The following CYP2F1 variants were observed in gnomAD, a reference collection of about 807,000 sequenced individuals.
CYP2F1 encodes the protein cytochrome P450 family 2 subfamily F member 1, also known as cytochrome P450 2F1.
Under a neutral mutation model 40.4 loss-of-function variants are expected in CYP2F1, and 33 were observed. The ratio of observed to expected loss-of-function variants is 0.82; its 90% CI spans 0.62 to 1.09. CYP2F1 has a LOEUF of 1.09. CYP2F1 is among the 50% of genes least tolerant of loss of function. CYP2F1 has a pLI of 0.00. For synonymous variants in CYP2F1, 235 were observed against 277.2 expected (o/e 0.85, Z 1.51); for missense variants, 566 against 655.7 (o/e 0.86, Z 1.49).
intron 3 of CYP2F1, among the ~76,000 whole-genome samples, chr19:41,118,925 A>T (rs979367677): frequency 2.0e-5 from 3 of 152,196 alleles, no homozygotes; most frequent in Non-Finnish European, 1.5e-5. Context: ...GGAACCAGAG[A>T]TAAACACATC....
intron 9 of CYP2F1, among the ~76,000 whole-genome samples, chr19:41,126,476 G>T (rs2032551230): frequency 6.6e-6 from 1 of 151,828 alleles, no homozygotes; most frequent in African/African-American, 2.4e-5. Flanking sequence ...CTTGGGCCAG[G>T]CACATTGGCT....
intron 3 of CYP2F1, among the ~76,000 whole-genome samples, chr19:41,119,748 T>TATATATATATACACACACACAC (rs1337166345): frequency 2.8e-5 from 1 of 36,104 alleles, no homozygotes; most frequent in Non-Finnish European, 4.9e-5. Context: ...TATATATATA[T>TATATATATATACACACACACAC]ACACACACAC....
intron 3 of CYP2F1, among the ~76,000 whole-genome samples, chr19:41,119,748 T>TATATATATATACACAC (rs1337166345): frequency 6.7e-4 from 24 of 36,070 alleles, no homozygotes; most frequent in East Asian, 2.5e-3. Flanking sequence ...TATATATATA[T>TATATATATATACACAC]ACACACACAC....
rs551815226 is a variant in CYP2F1, at chr19:41,126,335, G to C, written c.1294+701G>C. On this transcript the variant is annotated intron_variant, in intron 9 of 9. Transcript: ENST00000331105. Reference sequence around the variant, plus strand: ...AGCTACTCTGGAGGCTGAGGCAGGAGAATCACTTGAACCCGGGAGGCGGAG... The same window carrying C: ...AGCTACTCTGGAGGCTGAGGCAGGACAATCACTTGAACCCGGGAGGCGGAG... 5.7e-3 allele frequency among the ~76,000 whole-genome samples: 839 copies of C among 148,184 alleles called. 4 individuals are homozygous for C. The highest frequency in any genetic ancestry group is 0.011 in the Middle Eastern group (3 of 262).
At chr19:41,121,179 C>T (rs2032174320) in intron 4 of CYP2F1, among the ~76,000 whole-genome samples, 3 of 151,982 alleles carry the variant, frequency 2.0e-5, no homozygotes, top group Admixed American at 6.6e-5. Context: ...TGCTATGTCG[C>T]GTGCTGTGTG....
At position 41,122,783 on chromosome 19, in the gene CYP2F1, C is replaced by CA. The variant is rs768782008; in HGVS notation, c.823-39_823-38insA. The CA allele has an allele frequency of 4.0e-5, 60 of 1,512,572 alleles. 1 individual carries two copies. Among genetic ancestry groups the CA allele is most frequent in the Middle Eastern group, 1.8e-4 (1 of 5,606 alleles). The allele number at this position is 1,512,572 out of a possible 1,614,324, so 93.7% of individuals were successfully genotyped here. Reference sequence around the variant, plus strand: ...GTACTGGTCTAGAGTGAAGGGGCCTCCATTCCTGGCTCACATCCCCACCCC... The same window carrying CA: ...GTACTGGTCTAGAGTGAAGGGGCCTCACATTCCTGGCTCACATCCCCACCCC... On this transcript the variant is annotated intron_variant, in intron 6 of 9. Transcript: ENST00000331105.
In CYP2F1 at chr19:41,124,960, C is replaced by T. The variant is rs112698282; in HGVS notation, c.1152+54C>T. On this transcript the variant is annotated intron_variant, in intron 8 of 9. Transcript: ENST00000331105. ...GCAACCTAAGAGGAGGCATCGCAGG[C>T]TCTTGCACTGGCAAGGAGTATCCCA... The T allele has an allele frequency of 1.2e-4, 171 of 1,484,376 alleles. 3 individuals are homozygous for T. In the African/African-American group the frequency reaches 1.8e-3, roughly 15 times the overall value. 92.0% of individuals were successfully genotyped at this position (1,484,376 alleles called of 1,614,324 possible).
intron 7 of CYP2F1, among the ~76,000 whole-genome samples, chr19:41,124,243 C>T (rs992520831): frequency 7.5e-5 from 5 of 66,448 alleles, no homozygotes; most frequent in Admixed American, 5.6e-4. Context: ...TTTTTTTCCT[C>T]TTCCCCCCCC....
rs140643766 is a variant in CYP2F1 at position 41,121,503 on chromosome 19, A to G, written c.530A>G (p.Asn177Ser). Residue 177 changes from asparagine to serine, a missense_variant, in exon 5 of 10, where the codon AAC (asparagine) becomes AGC (serine). Transcript: ENST00000331105. ...TTTGTGCTGAGTCGCTCAGTGTCCA[A>G]CATTATCTGTTCCGTGCTCTTCGGC... ...PTFVLSRSVS[N>S]IICSVLFGSR... is the part of the protein sequence containing the mutation. 1 of 1,609,834 alleles carries G rather than the reference A, an allele frequency of 6.2e-7. No homozygotes were observed. Among genetic ancestry groups the G allele is most frequent in the Non-Finnish European group, 8.5e-7 (1 of 1,179,750 alleles).
At chr19:41,115,710 TGATA>T (rs1012236209) in intron 1 of CYP2F1, among the ~76,000 whole-genome samples, 17 of 150,100 alleles carry the variant, frequency 1.1e-4, no homozygotes, top group African/African-American at 3.7e-4. Context: ...GATAGATAGA[TGATA>T]GATAGATGTT....
rs2032613087 is a variant in CYP2F1, at chr19:41,128,014, C to T, written c.1408C>T (p.Leu470=). 1 of 1,613,204 alleles carries T rather than the reference C, an allele frequency of 6.2e-7. No individual in the cohort carries two copies. Among genetic ancestry groups the T allele is most frequent in the Non-Finnish European group, 8.5e-7 (1 of 1,180,006 alleles). Reference sequence around the variant, plus strand: ...GCTGGGTGCGCCCGAGGACATCGACCTGACCCCACTCAGCTCAGGTCTTGG... The same window carrying T: ...GCTGGGTGCGCCCGAGGACATCGACTTGACCCCACTCAGCTCAGGTCTTGG... ...QPLGAPEDID[L]TPLSSGLGNL... Residue 470 remains leucine, a synonymous_variant, in exon 10 of 10, where the codon CTG becomes TTG. Coordinates refer to ENST00000331105, the MANE Select transcript of CYP2F1 (RefSeq NM_000774.5).
At position 41,116,233 on chromosome 19, in the gene CYP2F1, C is replaced by G; in HGVS notation, c.45C>G (p.Leu15=). 6.2e-7 allele frequency: 1 copy of G among 1,614,040 alleles called. No individual in the cohort carries two copies. The highest frequency in any genetic ancestry group is 8.5e-7 in the Non-Finnish European group (1 of 1,179,974). ...STAILLLLLA[L]VCLLLTLSSR... ...CCATCTTACTCCTGCTCCTGGCTCT[C>G]GTCTGTCTGCTCCTGACCCTAAGCT... The change falls in exon 2 of 10, where the codon CTC becomes CTG. Residue 15 remains leucine, a synonymous_variant. Coordinates refer to ENST00000331105, the MANE Select transcript of CYP2F1 (RefSeq NM_000774.5).
intron 3 of CYP2F1, among the ~76,000 whole-genome samples, chr19:41,117,085 C>T (rs796259029): frequency 9.2e-5 from 14 of 152,162 alleles, no homozygotes; most frequent in African/African-American, 3.1e-4. Context: ...CCAGTCCCCA[C>T]TTTAAATTCT....
At chr19:41,126,068 G>A (rs951496465) in intron 9 of CYP2F1, among the ~76,000 whole-genome samples, 1 of 152,004 alleles carries the variant, frequency 6.6e-6, no homozygotes, top group African/African-American at 2.4e-5. Context: ...AGGAGGCGGA[G>A]GTTGCAGTGA....
chr19:41,127,157 G>A (rs1483411440), intron 9 of CYP2F1, among the ~76,000 whole-genome samples: 3 of 152,214 alleles, frequency 2.0e-5, no homozygotes, highest in South Asian at 4.1e-4. Context: ...ACTTCTCTGT[G>A]CCTCAATGTC....
chr19:41,114,672 G>C (rs1006710415), intron 1 of CYP2F1, among the ~76,000 whole-genome samples, 180 bp downstream of exon 1: 4 of 152,060 alleles, frequency 2.6e-5, no homozygotes, highest in Non-Finnish European at 4.4e-5. Context: ...CACCAAGTAG[G>C]TGGCTTCTCT....
intron 1 of CYP2F1, among the ~76,000 whole-genome samples, chr19:41,114,862 T>A (rs2031699503): frequency 1.4e-5 from 2 of 141,210 alleles, no homozygotes. Flanking sequence ...CTCCACCTCC[T>A]GGGTTCAAGC....
At chr19:41,124,254 C>G (rs1468936409) in intron 7 of CYP2F1, among the ~76,000 whole-genome samples, 16 of 72,500 alleles carry the variant, frequency 2.2e-4, no homozygotes, top group Non-Finnish European at 3.1e-4. Flanking sequence ...TTCCCCCCCC[C>G]CTTTTTTTTT....
intron 7 of CYP2F1, chr19:41,123,240 C>G (rs1568380706): frequency 1.9e-6 from 1 of 534,746 alleles, no homozygotes; most frequent in East Asian, 4.6e-5. Context: ...CTCTGTCACC[C>G]AGGCTGGAGT....
Sources: gnomAD v4.1 joint callset for allele counts (sites outside exome capture counted in the v4.1 genomes callset) on GRCh38, gnomAD v4.1.1 for gene constraint, MANE v1.5 for transcripts, NCBI Gene and HGNC (gene_info 2026-07-23, HGNC 2026-07-21) for gene names.